The following LRP1B variants were observed in gnomAD, a reference collection of about 807,000 sequenced individuals.
LRP1B encodes the protein low-density lipoprotein receptor-related protein 1B.
In LRP1B, 217 loss-of-function variants were observed where a neutral mutation model predicts 556.6. The ratio of observed to expected loss-of-function variants is 0.39; its 90% CI spans 0.35 to 0.44. The LOEUF (loss-of-function observed/expected upper bound fraction) is 0.44. Ranked by LOEUF, LRP1B falls within the 20% of genes least tolerant of loss-of-function variation. The pLI, the probability that LRP1B is intolerant of heterozygous loss-of-function variation, is 1.00. For missense variants in LRP1B, 5,053 were observed against 5,620.8 expected (o/e 0.90, Z 3.23); for synonymous variants, 2,047 against 1,865.8 (o/e 1.10, Z -2.50).
chr2:142,015,002 G>A (rs1703075224), intron 1 of LRP1B, among the ~76,000 whole-genome samples: 1 of 151,970 alleles, frequency 6.6e-6, no homozygotes, highest in South Asian at 2.1e-4. Flanking sequence ...CCTCTGTTGG[G>A]GGATTTAAAT....
At chr2:140,442,236 A>G (rs1686460305) in intron 66 of LRP1B, among the ~76,000 whole-genome samples, 1 of 152,180 alleles carries the variant, frequency 6.6e-6, no homozygotes, top group South Asian at 2.1e-4. Flanking sequence ...CTCTAATATA[A>G]GAAGATAATG....
At chr2:140,617,816 A>G (rs984842620) in intron 41 of LRP1B, among the ~76,000 whole-genome samples, 14 of 152,020 alleles carry the variant, frequency 9.2e-5, no homozygotes, top group Non-Finnish European at 1.8e-4. Context: ...TGAACTAACC[A>G]TCTGGTCCTC....
At chr2:142,094,308 G>T (rs906960433) in intron 1 of LRP1B, among the ~76,000 whole-genome samples, 1 of 151,894 alleles carries the variant, frequency 6.6e-6, no homozygotes, top group Admixed American at 6.6e-5. Context: ...GTGTTTTTTT[G>T]ATTATGACTT....
At chr2:141,499,557 T>C (rs1374382908) in intron 2 of LRP1B, among the ~76,000 whole-genome samples, 2 of 152,010 alleles carry the variant, frequency 1.3e-5, no homozygotes, top group East Asian at 3.9e-4. Context: ...TTCTTTATGT[T>C]CCTATAGAGA....
chr2:141,390,317 A>T (rs1409475055), intron 3 of LRP1B, among the ~76,000 whole-genome samples: 1 of 152,204 alleles, frequency 6.6e-6, no homozygotes, highest in Non-Finnish European at 1.5e-5. Context: ...ATGAGAATGT[A>T]GAGAAATTGG....
Position 140,804,697 on chromosome 2 carries a change from A to G in LRP1B, c.5359+8960T>C, listed in dbSNP as rs181235479. The stretch of plus-strand genomic sequence containing the variant: ...TTTTTTGCCATTAGCTGTAACTCAC[A>G]TTTTTTTCAGTTATCGGAGAGGTTA... On this transcript the variant is annotated intron_variant, in intron 32 of 90. Coordinates refer to ENST00000389484, the MANE Select transcript of LRP1B (RefSeq NM_018557.3). Among the ~76,000 whole-genome samples the G allele has an allele frequency of 2.5e-3, 215 of 87,740 alleles. 1 individual carries two copies. The highest frequency in any genetic ancestry group is 7.2e-3 in the African/African-American group (168 of 23,416). 57.6% of individuals were successfully genotyped at this position (87,740 alleles called of 152,430 possible). A position where few individuals can be genotyped will look rare whatever the true frequency, so the allele number is the denominator to read the frequency against.
chr2:140,288,553 C>T (rs10166355), intron 84 of LRP1B, among the ~76,000 whole-genome samples: 136,552 of 151,784 alleles, frequency 0.9, 62,069 homozygotes, highest in Non-Finnish European at 0.96. Context: ...TGATTTGAGG[C>T]AAGCCTCAAA....
chr2:140,267,843 C>T (rs1682280540), intron 86 of LRP1B, among the ~76,000 whole-genome samples: 1 of 151,876 alleles, frequency 6.6e-6, no homozygotes, highest in African/African-American at 2.4e-5. Flanking sequence ...CTCTAAACTA[C>T]CACAATTAAC....
At chr2:141,432,747 T>C (rs971516681) in intron 3 of LRP1B, among the ~76,000 whole-genome samples, 1 of 152,064 alleles carries the variant, frequency 6.6e-6, no homozygotes, top group Admixed American at 6.6e-5. Flanking sequence ...GATTGAGTAA[T>C]GATGTCCCCT....
At chr2:141,924,792 G>A (rs2033632) in intron 1 of LRP1B, among the ~76,000 whole-genome samples, 131,227 of 152,190 alleles carry the variant, frequency 0.86, 56,731 homozygotes, top group East Asian at 1. Context: ...TTGTGTTAAG[G>A]CAGCTTCTTT....
chr2:141,878,472 C>A (rs1252867204), intron 1 of LRP1B, among the ~76,000 whole-genome samples: 1 of 151,176 alleles, frequency 6.6e-6, no homozygotes, highest in African/African-American at 2.4e-5. Context: ...TTAACAGGAC[C>A]ACATTAAATT....
At chr2:140,775,047 A>T (rs1221117957) in intron 33 of LRP1B, among the ~76,000 whole-genome samples, 2 of 152,150 alleles carry the variant, frequency 1.3e-5, no homozygotes, top group East Asian at 3.9e-4. Flanking sequence ...AAATGTTTAA[A>T]GCAATTTTTT....
chr2:141,658,587 A>G (rs1222371932), intron 2 of LRP1B, among the ~76,000 whole-genome samples: 1 of 152,202 alleles, frequency 6.6e-6, no homozygotes, highest in Non-Finnish European at 1.5e-5. Context: ...GGGTGAATGC[A>G]GCTATACAAC....
intron 5 of LRP1B, among the ~76,000 whole-genome samples, chr2:141,236,697 T>A (rs1186478540): frequency 6.6e-6 from 1 of 152,164 alleles, no homozygotes; most frequent in African/African-American, 2.4e-5. Flanking sequence ...TGGAAACGTC[T>A]TACACACTGC....
At chr2:141,187,543 C>A (rs1271042810) in intron 7 of LRP1B, among the ~76,000 whole-genome samples, 3 of 151,996 alleles carry the variant, frequency 2.0e-5, no homozygotes, top group Non-Finnish European at 4.4e-5. Context: ...AAAATAACAG[C>A]TCCTTCAAAT....
intron 41 of LRP1B, among the ~76,000 whole-genome samples, chr2:140,660,408 A>AT (rs1174700750): frequency 3.3e-5 from 5 of 152,184 alleles, no homozygotes; most frequent in African/African-American, 9.6e-5. Flanking sequence ...ATTAAAAACT[A>AT]TTTTTTCACT....
At chr2:140,673,988 G>A (rs71415502) in intron 41 of LRP1B, among the ~76,000 whole-genome samples, 5,975 of 142,970 alleles carry the variant, frequency 0.042, 144 homozygotes, top group Non-Finnish European at 0.063. Context: ...TTGCTTTGTC[G>A]CCCAGGCTGG....
chr2:140,281,783 G>T (rs1682922166), intron 84 of LRP1B, among the ~76,000 whole-genome samples: 1 of 151,746 alleles, frequency 6.6e-6, no homozygotes, highest in Non-Finnish European at 1.5e-5. Context: ...TAACTGAGGA[G>T]CCAGTTTCCG....
intron 2 of LRP1B, among the ~76,000 whole-genome samples, chr2:141,747,922 G>T (rs1369062985): frequency 6.6e-6 from 1 of 152,100 alleles, no homozygotes; most frequent in Non-Finnish European, 1.5e-5. Context: ...TGAAGATAAG[G>T]AGAGGCATGA....
Sources: allele counts gnomAD v4.1 joint callset (sites outside exome capture counted in the v4.1 genomes callset), GRCh38; gene constraint gnomAD v4.1.1; transcripts MANE v1.5; gene names NCBI Gene and HGNC (gene_info 2026-07-23, HGNC 2026-07-21).